The following SPECC1L variants were observed in gnomAD, a reference collection of about 807,000 sequenced individuals.
SPECC1L encodes the protein cytospin-A.
A neutral mutation model predicts 116.8 loss-of-function variants in SPECC1L; 40 were observed. The observed-to-expected ratio is 0.34, with a 90% confidence interval of 0.27 to 0.45. The LOEUF (loss-of-function observed/expected upper bound fraction) is 0.45. SPECC1L is among the 20% of genes least tolerant of loss of function. The probability of loss-of-function intolerance (pLI) is 1.00; values close to 1 mark genes in which losing one functional copy is unlikely to be tolerated. For missense variants in SPECC1L, 1,110 were observed against 1,373.6 expected, an observed-to-expected ratio of 0.81 and a Z score of 3.03; for synonymous variants, 504 against 500.6, an observed-to-expected ratio of 1.01 and a Z score of -0.09.
chr22:24,408,620 C>T (rs2042635785), intron 14 of SPECC1L, among the ~76,000 whole-genome samples: 1 of 152,236 alleles, frequency 6.6e-6, no homozygotes, highest in Non-Finnish European at 1.5e-5. Flanking sequence ...TGCGTTTCCT[C>T]GTTCCTTAAT....
chr22:24,405,320 ATGTG>A (rs2042564155), intron 14 of SPECC1L, among the ~76,000 whole-genome samples: 2 of 151,956 alleles, frequency 1.3e-5, no homozygotes, highest in Admixed American at 1.3e-4. Flanking sequence ...GTATTGCTCC[ATGTG>A]CAGCAACACA....
chr22:24,282,474 TCTCA>T (rs1601489539), intron 2 of SPECC1L, among the ~76,000 whole-genome samples: 1 of 152,232 alleles, frequency 6.6e-6, no homozygotes, highest in Non-Finnish European at 1.5e-5. Context: ...AAGTTAGATC[TCTCA>T]CTGTCTCAGT....
intron 1 of SPECC1L, among the ~76,000 whole-genome samples, chr22:24,271,411 G>A (rs1380263478): frequency 6.6e-6 from 1 of 152,256 alleles, no homozygotes; most frequent in Non-Finnish European, 1.5e-5. Flanking sequence ...GTGGCCCCGA[G>A]GGCGCAGAGC....
chr22:24,410,101 G>T, intron 14 of SPECC1L, among the ~76,000 whole-genome samples: 1 of 152,266 alleles, frequency 6.6e-6, no homozygotes. Context: ...CCTAATGCAA[G>T]ATGGGGGCTG....
chr22:24,390,872 C>CTTTTTTTTTTT lies in SPECC1L; in HGVS notation c.3088-20700_3088-20690dup, dbSNP rs1016008966. The stretch of plus-strand genomic sequence containing the variant: ...TGTTCCTTTTTTTTTTTTTTCTTTT[C>CTTTTTTTTTTT]TTTTTTTTTTTTTTTTTTTTTTTTT... On this transcript the variant is annotated intron_variant, in intron 14 of 16. Transcript: ENST00000314328. 8.1e-4 allele frequency among the ~76,000 whole-genome samples: 46 copies of CTTTTTTTTTTT among 57,118 alleles called. 1 individual carries two copies. Among genetic ancestry groups the CTTTTTTTTTTT allele is most frequent in the Non-Finnish European group, 1.1e-3 (35 of 32,558 alleles). The allele number at this position is 57,118 out of a possible 152,430, so 37.5% of individuals were successfully genotyped here.
chr22:24,318,843 C>G (rs1005802677), intron 4 of SPECC1L, among the ~76,000 whole-genome samples: 19 of 151,630 alleles, frequency 1.3e-4, no homozygotes, highest in Middle Eastern at 6.8e-3. Flanking sequence ...GTGGGAGGAT[C>G]ACCTGAGCCT....
At chr22:24,326,195 A>G (rs1201602685) in intron 6 of SPECC1L, among the ~76,000 whole-genome samples, 1 of 152,154 alleles carries the variant, frequency 6.6e-6, no homozygotes, top group East Asian at 1.9e-4. Flanking sequence ...TCAGGTGATC[A>G]GCAGATATTA....
intron 2 of SPECC1L, among the ~76,000 whole-genome samples, chr22:24,282,753 T>C (rs1405873202): frequency 6.6e-6 from 1 of 151,996 alleles, no homozygotes. Flanking sequence ...TAGTTTACAA[T>C]GTGGTGAGTT....
At chr22:24,406,763 G>A (rs62233996) in intron 14 of SPECC1L, among the ~76,000 whole-genome samples, 2,972 of 152,306 alleles carry the variant, frequency 0.02, 53 homozygotes, top group African/African-American at 0.042. Context: ...GGGCCGTGGT[G>A]GCCGTGTGGA....
intron 14 of SPECC1L, among the ~76,000 whole-genome samples, chr22:24,381,863 G>A (rs556659723): frequency 5.9e-5 from 9 of 152,184 alleles, no homozygotes; most frequent in African/African-American, 9.7e-5. Context: ...CAGTCTGGGC[G>A]ACAGAGCGAG....
intron 11 of SPECC1L, 54 bp downstream of exon 11, chr22:24,347,230 T>C: frequency 7.4e-7 from 1 of 1,345,234 alleles, no homozygotes. Context: ...TGAATTGTTC[T>C]GGCTTTTTTG....
intron 2 of SPECC1L, among the ~76,000 whole-genome samples, chr22:24,289,806 A>G (rs1255128223): frequency 6.6e-6 from 1 of 150,926 alleles, no homozygotes; most frequent in Non-Finnish European, 1.5e-5. Context: ...CTTTCTGTCC[A>G]CGTGGGGTTA....
Position 24,336,297 on chromosome 22 carries a change from G to T in SPECC1L, c.2560+1724G>T, listed in dbSNP as rs551462669. On this transcript the variant is annotated intron_variant, in intron 9 of 16. Transcript: ENST00000314328. ...TCTATATATACCTATATGTGTGTGT[G>T]TACATATATAGTGTGTGTGGTCTTG... 2.6e-5 allele frequency among the ~76,000 whole-genome samples: 4 copies of T among 151,930 alleles called. No individual in the cohort carries two copies. In the East Asian group the frequency reaches 7.7e-4, roughly 29 times the overall value.
chr22:24,292,491 A>G (rs1400508771), intron 2 of SPECC1L, among the ~76,000 whole-genome samples: 1 of 152,222 alleles, frequency 6.6e-6, no homozygotes, highest in Non-Finnish European at 1.5e-5. Context: ...AGATTTTATC[A>G]GTTCTTTTTT....
chr22:24,380,109 G>C (rs1411729429), intron 14 of SPECC1L, among the ~76,000 whole-genome samples: 1 of 152,166 alleles, frequency 6.6e-6, no homozygotes, highest in Admixed American at 6.5e-5. Flanking sequence ...GACCTCAAGT[G>C]ACCCACCCTC....
At chr22:24,313,958 C>T (rs375674304) in intron 4 of SPECC1L, among the ~76,000 whole-genome samples, 8 of 152,042 alleles carry the variant, frequency 5.3e-5, no homozygotes, top group East Asian at 1.9e-4. Context: ...AGGCTGGTCT[C>T]GAACTCCTGA....
chr22:24,346,694 G>A (rs937364453), intron 10 of SPECC1L, among the ~76,000 whole-genome samples: 1 of 152,044 alleles, frequency 6.6e-6, no homozygotes, highest in African/African-American at 2.4e-5. Flanking sequence ...TGATGGAAAT[G>A]TTCTTTATCT....
chr22:24,277,621 A>T (rs2048861881), intron 2 of SPECC1L, among the ~76,000 whole-genome samples: 1 of 152,246 alleles, frequency 6.6e-6, no homozygotes, highest in African/African-American at 2.4e-5. Context: ...TGTAAATGGC[A>T]TCATACAACA....
intron 11 of SPECC1L, among the ~76,000 whole-genome samples, chr22:24,348,053 T>A (rs1480949201): frequency 1.3e-5 from 2 of 152,162 alleles, no homozygotes; most frequent in Non-Finnish European, 2.9e-5. Context: ...CTCCTTCTCT[T>A]ACCCCACGCT....
Sources: allele counts gnomAD v4.1 joint callset (sites outside exome capture counted in the v4.1 genomes callset), GRCh38; gene constraint gnomAD v4.1.1; transcripts MANE v1.5; gene names NCBI Gene and HGNC (gene_info 2026-07-23, HGNC 2026-07-21).